The following SPAG16 variants were observed in gnomAD, a reference collection of about 807,000 sequenced individuals.
SPAG16 encodes sperm associated antigen 16, also known as sperm-associated antigen 16 protein.
SPAG16 carries 86 observed loss-of-function variants against 80.4 expected under a neutral mutation model. The ratio of observed to expected loss-of-function variants is 1.07; its 90% CI spans 0.90 to 1.28. The LOEUF is 1.28. Among genes scored for constraint, SPAG16 ranks in the 50% most tolerant of loss-of-function variants. The probability of loss-of-function intolerance (pLI) is 0.00; values close to 1 mark genes in which losing one functional copy is unlikely to be tolerated. For missense variants in SPAG16, 870 were observed against 765.3 expected, an observed-to-expected ratio of 1.14 and a Z score of -1.61; for synonymous variants, 294 against 265.9, an observed-to-expected ratio of 1.11 and a Z score of -1.03.
chr2:213,315,000 A>G (rs183970350), intron 4 of SPAG16, among the ~76,000 whole-genome samples: 14 of 149,988 alleles, frequency 9.3e-5, no homozygotes, highest in Non-Finnish European at 2.1e-4. Flanking sequence ...GATAAAGTAT[A>G]TAACACAAAA....
intron 10 of SPAG16, among the ~76,000 whole-genome samples, chr2:213,593,998 A>G (rs557257743): frequency 2.0e-5 from 3 of 151,264 alleles, no homozygotes; most frequent in Admixed American, 2.0e-4. Context: ...GATGGTCTCG[A>G]TATCCTGACC....
intron 12 of SPAG16, 43 bp downstream of exon 12, chr2:213,930,188 A>G (rs774436681): frequency 6.8e-7 from 1 of 1,464,638 alleles, no homozygotes; most frequent in Non-Finnish European, 9.2e-7. Flanking sequence ...GTGCTGATAC[A>G]TATACGTGGG....
chr2:213,873,021 G>T (rs1279670562), intron 11 of SPAG16, among the ~76,000 whole-genome samples: 1 of 152,038 alleles, frequency 6.6e-6, no homozygotes, highest in East Asian at 1.9e-4. Context: ...ATTAATAAGA[G>T]ACATGGGTGA....
intron 13 of SPAG16, among the ~76,000 whole-genome samples, chr2:214,072,761 A>G (rs937814919): frequency 2.6e-5 from 4 of 152,286 alleles, no homozygotes; most frequent in South Asian, 2.1e-4. Context: ...ATATATTTTA[A>G]TTAGGAGGGG....
intron 13 of SPAG16, among the ~76,000 whole-genome samples, chr2:214,101,938 G>A (rs181258394): frequency 4.4e-4 from 67 of 152,128 alleles, no homozygotes; most frequent in African/African-American, 1.6e-3. Context: ...ATGTTAATAG[G>A]CAATGGAAAA....
intron 10 of SPAG16, among the ~76,000 whole-genome samples, chr2:213,842,753 G>A (rs2556319): frequency 0.97 from 147,730 of 152,196 alleles, 71,854 homozygotes; most frequent in East Asian, 1. Context: ...GAAAAACTAT[G>A]TTTTAGGTGC....
intron 10 of SPAG16, among the ~76,000 whole-genome samples, chr2:213,798,100 A>G (rs1202217977): frequency 6.6e-6 from 1 of 152,146 alleles, no homozygotes. Flanking sequence ...GCCCAGTCAT[A>G]TATCTTCTTT....
intron 15 of SPAG16, among the ~76,000 whole-genome samples, chr2:214,289,808 C>T (rs1046179400): frequency 6.6e-6 from 1 of 152,074 alleles, no homozygotes; most frequent in African/African-American, 2.4e-5. Context: ...TCTATAGATG[C>T]TTTAAGCAGT....
chr2:213,889,028 TA>T (rs1225891538), intron 11 of SPAG16, among the ~76,000 whole-genome samples: 1 of 151,942 alleles, frequency 6.6e-6, no homozygotes, highest in Admixed American at 6.6e-5. Flanking sequence ...AAATATTTAT[TA>T]AAAAACCTTT....
intron 10 of SPAG16, among the ~76,000 whole-genome samples, chr2:213,840,229 A>G (rs2074300374): frequency 6.6e-6 from 1 of 152,210 alleles, no homozygotes; most frequent in Non-Finnish European, 1.5e-5. Flanking sequence ...ATATAGGCCA[A>G]ATCTCTATTA....
intron 15 of SPAG16, among the ~76,000 whole-genome samples, chr2:214,355,447 GA>G (rs1275414022): frequency 2.1e-5 from 3 of 145,284 alleles, no homozygotes; most frequent in African/African-American, 7.4e-5. Flanking sequence ...GGCCATCAGA[GA>G]AATGCAAATC....
At chr2:213,791,134 C>G (rs927081573) in intron 10 of SPAG16, among the ~76,000 whole-genome samples, 5 of 151,860 alleles carry the variant, frequency 3.3e-5, no homozygotes, top group African/African-American at 7.3e-5. Flanking sequence ...ATTAAACAAG[C>G]CTTCATTTTG....
chr2:213,983,445 C>G (rs1472738150), intron 12 of SPAG16, among the ~76,000 whole-genome samples: 3 of 151,694 alleles, frequency 2.0e-5, no homozygotes, highest in Non-Finnish European at 4.4e-5. Flanking sequence ...TTTACTGATG[C>G]CTTAGGTATT....
intron 15 of SPAG16, among the ~76,000 whole-genome samples, chr2:214,212,554 C>T (rs1004842881): frequency 2.0e-5 from 3 of 152,070 alleles, no homozygotes; most frequent in African/African-American, 2.4e-5. Flanking sequence ...TGCCCTGTAT[C>T]TGTACCTAGT....
At chr2:213,557,120 A>G (rs1484217911) in intron 10 of SPAG16, among the ~76,000 whole-genome samples, 1 of 152,078 alleles carries the variant, frequency 6.6e-6, no homozygotes, top group African/African-American at 2.4e-5. Context: ...AATAAGTTGT[A>G]TTTTCCAGTC....
intron 14 of SPAG16, among the ~76,000 whole-genome samples, chr2:214,108,827 T>C (rs1212455106): frequency 6.6e-6 from 1 of 152,200 alleles, no homozygotes; most frequent in African/African-American, 2.4e-5. Context: ...TATCTGCCAC[T>C]TGAGGTATTC....
At chr2:213,605,718 T>C (rs1344494682) in intron 10 of SPAG16, among the ~76,000 whole-genome samples, 1 of 152,110 alleles carries the variant, frequency 6.6e-6, no homozygotes, top group East Asian at 1.9e-4. Flanking sequence ...CTGCATCTCC[T>C]GACTTCGTGA....
intron 11 of SPAG16, among the ~76,000 whole-genome samples, chr2:213,917,396 C>G (rs974133892): frequency 6.6e-6 from 1 of 152,180 alleles, no homozygotes; most frequent in African/African-American, 2.4e-5. Context: ...TTGATTCTTC[C>G]TATCCATGAG....
At chr2:213,336,450 C>A (rs560339639) in intron 5 of SPAG16, among the ~76,000 whole-genome samples, 1 of 152,330 alleles carries the variant, frequency 6.6e-6, no homozygotes, top group East Asian at 1.9e-4. Flanking sequence ...TCCCTGCCAG[C>A]CAACGCAGCA....
Sources: gnomAD v4.1 joint callset for allele counts (sites outside exome capture counted in the v4.1 genomes callset) on GRCh38, gnomAD v4.1.1 for gene constraint, MANE v1.5 for transcripts, NCBI Gene and HGNC (gene_info 2026-07-23, HGNC 2026-07-21) for gene names.